The following KIAA2012 variants were observed in gnomAD, a reference collection of about 807,000 sequenced individuals.
The protein encoded by KIAA2012 is uncharacterized protein KIAA2012.
A neutral mutation model predicts 150.6 loss-of-function variants in KIAA2012; 125 were observed. That is an observed-to-expected ratio of 0.83 (90% confidence interval 0.72 to 0.96). The LOEUF is 0.96. Among genes scored for constraint, KIAA2012 ranks in the 40% least tolerant of loss-of-function variants. KIAA2012 has a pLI of 0.00. For missense variants in KIAA2012, 1,219 were observed against 1,354.9 expected, an observed-to-expected ratio of 0.90 and a Z score of 1.57; for synonymous variants, 462 against 504.7, an observed-to-expected ratio of 0.92 and a Z score of 1.13.
Position 202,200,419 on chromosome 2 carries a change from G to C in KIAA2012, c.3408-2010G>C, listed in dbSNP as rs111546612. Among the ~76,000 whole-genome samples the C allele has an allele frequency of 8.4e-3, 1,274 of 152,184 alleles. 10 individuals are homozygous for C. Among genetic ancestry groups the C allele is most frequent in the Non-Finnish European group, 0.014 (948 of 68,010 alleles). ...GAGGAAATACGAAAGCAGAAGTAAC[G>C]GGATCTGTGCTTGGGGCACAGAGGG... On this transcript the variant is annotated intron_variant, in intron 22 of 23. Coordinates refer to ENST00000498697, the MANE Select transcript of KIAA2012 (RefSeq NM_001277372.4).
At position 202,194,259 on chromosome 2, in the gene KIAA2012, GT is replaced by G. The variant is rs1692369828; in HGVS notation, c.3086del (p.Leu1029Ter). The G allele has an allele frequency of 4.5e-6, 7 of 1,550,596 alleles. No individual in the cohort carries two copies. Among genetic ancestry groups the G allele is most frequent in the Non-Finnish European group, 6.1e-6 (7 of 1,147,010 alleles). Reference sequence around the variant, plus strand: ...AGGAGGAGAGAAAGCAGCAGCTCCGGTTGAAAGCAGCCCAGGAGAGAGCCCG... The same window carrying G: ...AGGAGGAGAGAAAGCAGCAGCTCCGGTGAAAGCAGCCCAGGAGAGAGCCCG... ...EEEERKQQLR[L>X]KAAQERARQQ... On this transcript the variant is annotated frameshift_variant, in exon 21 of 24. Coordinates refer to ENST00000498697, the MANE Select transcript of KIAA2012 (RefSeq NM_001277372.4). LOFTEE classifies it high-confidence loss of function.
At chr2:202,142,927 A>G (rs1220488643) in intron 13 of KIAA2012, among the ~76,000 whole-genome samples, 1 of 150,886 alleles carries the variant, frequency 6.6e-6, no homozygotes, top group African/African-American at 2.4e-5. Flanking sequence ...TGTTGTGGGG[A>G]ACTTTCCTGT....
In KIAA2012 at chr2:202,090,776, C is replaced by G; in HGVS notation, c.376C>G (p.Gln126Glu). Residue 126 changes from glutamine (Q) to glutamate (E), a missense_variant, in exon 3 of 24, where the codon CAG becomes GAG. By Grantham distance (29) the Gln-to-Glu change is conservative. Coordinates refer to ENST00000498697, the MANE Select transcript of KIAA2012 (RefSeq NM_001277372.4). The part of the protein sequence containing the change: ...ILAYGRQQGE[Q>E]DRAWQPYLHF... The stretch of plus-strand genomic sequence containing the variant: ...CTGACTGGTGTCCCCACAGGGAGAG[C>G]AGGACAGAGCCTGGCAACCATACCT... 1.3e-6 allele frequency: 2 copies of G among 1,549,048 alleles called. No homozygotes were observed. The highest frequency in any genetic ancestry group is 1.7e-6 in the Non-Finnish European group (2 of 1,145,994).
At position 202,103,041 on chromosome 2, in the gene KIAA2012, A is replaced by C; in HGVS notation, c.1251A>C (p.Thr417=). ...KSQFKANEPP[T]ELFILPVEIH... is the part of the protein sequence containing the mutation. ...AATTTAAAGCCAATGAGCCCCCAAC[A>C]GAGCTCTTCATCTTACCGGTGGAGA... Residue 417 remains threonine (T), a synonymous_variant, in exon 8 of 24, where the codon ACA becomes ACC. Coordinates refer to ENST00000498697, the MANE Select transcript of KIAA2012 (RefSeq NM_001277372.4). 2 of 1,550,614 alleles carry C rather than the reference A, an allele frequency of 1.3e-6. No homozygotes were observed. Among genetic ancestry groups the C allele is most frequent in the Non-Finnish European group, 1.7e-6 (2 of 1,146,996 alleles).
chr2:202,077,670 C>T (rs144825106), intron 2 of KIAA2012, among the ~76,000 whole-genome samples: 96 of 152,086 alleles, frequency 6.3e-4, no homozygotes, highest in African/African-American at 2.1e-3. Context: ...AAAGGGACTT[C>T]GAATTAAAGA....
chr2:202,187,653 A>C (rs1574313691), intron 17 of KIAA2012, among the ~76,000 whole-genome samples: 1 of 151,878 alleles, frequency 6.6e-6, no homozygotes, highest in Non-Finnish European at 1.5e-5. Flanking sequence ...TCATGACCCC[A>C]CTCTGCCATC....
chr2:202,202,803 G>A (rs957739753), intron 23 of KIAA2012, among the ~76,000 whole-genome samples: 2 of 151,946 alleles, frequency 1.3e-5, no homozygotes, highest in Non-Finnish European at 2.9e-5. Flanking sequence ...GGTGGGGTGT[G>A]CCTGTAATCC....
intron 13 of KIAA2012, among the ~76,000 whole-genome samples, chr2:202,154,357 C>T (rs562997646): frequency 6.6e-6 from 1 of 152,208 alleles, no homozygotes; most frequent in Non-Finnish European, 1.5e-5. Context: ...CCTCCCAGAG[C>T]CTCCTGGTTT....
chr2:202,202,703 G>C, intron 23 of KIAA2012, 116 bp downstream of exon 23: 1 of 390,100 alleles, frequency 2.6e-6, no homozygotes, highest in Non-Finnish European at 4.5e-6. Context: ...TGAGGCGGGA[G>C]GCTTGCTTGA....
At chr2:202,196,225 C>T (rs376646912) in intron 21 of KIAA2012, among the ~76,000 whole-genome samples, 10 of 114,426 alleles carry the variant, frequency 8.7e-5, no homozygotes, top group African/African-American at 3.5e-4. Context: ...GACAGAGTCT[C>T]GCTCTGTCGC....
intron 6 of KIAA2012, 133 bp downstream of exon 6, chr2:202,099,929 T>C (rs1689999456): frequency 1.2e-6 from 1 of 828,570 alleles, no homozygotes; most frequent in Admixed American, 3.0e-5. Context: ...AGAATCTAGC[T>C]GGACGTGGGA....
chr2:202,100,007 G>A (rs1185591454), intron 6 of KIAA2012, among the ~76,000 whole-genome samples: 1 of 152,140 alleles, frequency 6.6e-6, no homozygotes, highest in African/African-American at 2.4e-5. Context: ...ATACTGTCTG[G>A]GCTCAAGTTA....
chr2:202,113,038 C>T (rs1175205322), intron 10 of KIAA2012, among the ~76,000 whole-genome samples: 2 of 152,144 alleles, frequency 1.3e-5, no homozygotes, highest in Non-Finnish European at 2.9e-5. Flanking sequence ...ACACAGAGTG[C>T]CCCCGCTCAC....
intron 10 of KIAA2012, among the ~76,000 whole-genome samples, chr2:202,111,695 C>G (rs60584169): frequency 0.13 from 19,368 of 151,974 alleles, 1,339 homozygotes; most frequent in South Asian, 0.24. Context: ...TTGTGCACAT[C>G]TATATAGGCA....
intron 13 of KIAA2012, among the ~76,000 whole-genome samples, chr2:202,151,026 A>G (rs1451459998): frequency 6.6e-6 from 1 of 152,194 alleles, no homozygotes; most frequent in Non-Finnish European, 1.5e-5. Flanking sequence ...GATGGAGCCC[A>G]GAAGACTGGG....
chr2:202,130,033 GA>G (rs1226777736), intron 12 of KIAA2012, among the ~76,000 whole-genome samples: 3 of 152,034 alleles, frequency 2.0e-5, no homozygotes, highest in Non-Finnish European at 4.4e-5. Context: ...TCAAACAGAA[GA>G]ACATTGATTT....
chr2:202,164,322 C>T (rs560697025), intron 14 of KIAA2012, among the ~76,000 whole-genome samples: 24 of 152,324 alleles, frequency 1.6e-4, no homozygotes, highest in African/African-American at 5.8e-4. Context: ...GCATATCAGA[C>T]TCACCCTAGA....
At chr2:202,132,486 G>A (rs1243275149) in intron 12 of KIAA2012, among the ~76,000 whole-genome samples, 1 of 151,630 alleles carries the variant, frequency 6.6e-6, no homozygotes, top group Non-Finnish European at 1.5e-5. Context: ...GGCCAACATG[G>A]CAAAACCCCG....
At chr2:202,204,466 A>G (rs888194828) in intron 23 of KIAA2012, among the ~76,000 whole-genome samples, 10 of 152,346 alleles carry the variant, frequency 6.6e-5, no homozygotes, top group Admixed American at 3.3e-4. Flanking sequence ...TTTTTAGCAT[A>G]CAAGTTATAT....
Sources: gnomAD v4.1 joint callset for allele counts (sites outside exome capture counted in the v4.1 genomes callset) on GRCh38, gnomAD v4.1.1 for gene constraint, MANE v1.5 for transcripts, NCBI Gene and HGNC (gene_info 2026-07-23, HGNC 2026-07-21) for gene names.